The following MFSD6 variants were observed in gnomAD, a reference collection of about 807,000 sequenced individuals.
The protein encoded by MFSD6 is major facilitator superfamily domain containing 6, also known as major facilitator superfamily domain-containing protein 6.
MFSD6 carries 26 observed loss-of-function variants against 56.3 expected under a neutral mutation model. The observed-to-expected ratio is 0.46, with a 90% CI of 0.34 to 0.64. The LOEUF is 0.64. Ranked by LOEUF, MFSD6 falls within the 30% of genes least tolerant of loss-of-function variation. The pLI is 0.01. For synonymous variants in MFSD6, 331 were observed against 366.9 expected, an observed-to-expected ratio of 0.90 and a Z score of 1.12; for missense variants, 750 against 986.2, an observed-to-expected ratio of 0.76 and a Z score of 3.21.
intron 3 of MFSD6, among the ~76,000 whole-genome samples, chr2:190,466,494 CTCTTG>C (rs1687612148): frequency 6.6e-6 from 1 of 152,150 alleles, no homozygotes; most frequent in Admixed American, 6.5e-5. Flanking sequence ...AATGCGAATG[CTCTTG>C]TCTTTTGGAA....
Position 190,495,497 on chromosome 2 carries a change from T to C in MFSD6, c.1892-1942T>C, listed in dbSNP as rs1237804028. Among the ~76,000 whole-genome samples, 1 of 151,864 alleles carries C rather than the reference T, an allele frequency of 6.6e-6. No homozygotes were observed. The highest frequency in any genetic ancestry group is 6.6e-5 in the Admixed American group (1 of 15,240). ...TTCTTCACAGAACTAGAAAAAACAA[T>C]CCTAAATTTCATATGGAGCCAAAAA... On this transcript the variant is annotated intron_variant, in intron 6 of 7. Transcript: ENST00000392328. The surrounding 1 kb of genome is among the most constrained non-coding windows in gnomAD (Gnocchi z 4.7).
chr2:190,412,467 T>C lies in MFSD6; in HGVS notation c.-175-2825T>C, dbSNP rs1405906327. The stretch of plus-strand genomic sequence containing the variant: ...TTAAAGGCAGAAATCAAGTGCAAAG[T>C]CCTACCCTACTACAAGGCCAGTTTG... On this transcript the variant is annotated intron_variant, in intron 1 of 7. Coordinates refer to ENST00000392328, the MANE Select transcript of MFSD6 (RefSeq NM_017694.4). This position sits in a 1 kb window ranked among gnomAD's most constrained non-coding sequence, Gnocchi z 4.1. 1 of 985,288 alleles carries C rather than the reference T, an allele frequency of 1.0e-6. No individual in the cohort carries two copies. The highest frequency in any genetic ancestry group is 1.2e-6 in the Non-Finnish European group (1 of 829,924). The allele number at this position is 985,288 out of a possible 1,614,324, so 61.0% of individuals were successfully genotyped here.
intron 4 of MFSD6, among the ~76,000 whole-genome samples, chr2:190,475,462 T>C (rs1449849012): frequency 2.6e-5 from 4 of 152,158 alleles, no homozygotes; most frequent in Non-Finnish European, 5.9e-5. Context: ...CCATTCACAA[T>C]TGCTTCAAAG....
At position 190,433,647 on chromosome 2, in the gene MFSD6, C is replaced by G. The variant is rs1176315239; in HGVS notation, c.-53-2330C>G. ...TTAAATTTTTTTTAACCTAAAAAAC[C>G]GACATGAACATTTTCAAAGCTTACA... On this transcript the variant is annotated intron_variant, in intron 2 of 7. Coordinates refer to ENST00000392328, the MANE Select transcript of MFSD6 (RefSeq NM_017694.4). The surrounding 1 kb of genome is among the most constrained non-coding windows in gnomAD (Gnocchi z 4.5). Among the ~76,000 whole-genome samples, 1 of 151,822 alleles carries G rather than the reference C, an allele frequency of 6.6e-6. No individual in the cohort carries two copies. The highest frequency in any genetic ancestry group is 1.9e-4 in the East Asian group (1 of 5,184).
chr2:190,484,702 A>G (rs1688911128), intron 4 of MFSD6, among the ~76,000 whole-genome samples: 1 of 152,230 alleles, frequency 6.6e-6, no homozygotes, highest in African/African-American at 2.4e-5. Context: ...TTTTGTATAC[A>G]CAGATGATGT....
chr2:190,486,715 AG>A (rs1689030229), intron 4 of MFSD6, among the ~76,000 whole-genome samples: 1 of 152,224 alleles, frequency 6.6e-6, no homozygotes, highest in African/African-American at 2.4e-5. Flanking sequence ...AAATTTTAAA[AG>A]AATTTTGATC....
Position 190,485,743 on chromosome 2 carries a change from T to C in MFSD6, c.1631-2914T>C, listed in dbSNP as rs1423414694. 3.3e-5 allele frequency among the ~76,000 whole-genome samples: 5 copies of C among 152,120 alleles called. No homozygotes were observed. The highest frequency in any genetic ancestry group is 5.9e-5 in the Non-Finnish European group (4 of 68,004). ...TGCCAGATAAAGCAAACACGTTATT[T>C]GACTTCTTAGGAAATTAACTGTGTA... On this transcript the variant is annotated intron_variant, in intron 4 of 7. Transcript: ENST00000392328. This position sits in a 1 kb window ranked among gnomAD's most constrained non-coding sequence, Gnocchi z 5.1.
At chr2:190,442,558 A>T (rs1433095440) in intron 3 of MFSD6, 1 of 150,338 alleles carries the variant, frequency 6.7e-6, no homozygotes, top group African/African-American at 2.4e-5. Context: ...AAGAGACGGT[A>T]CAGGCCTGAA....
In MFSD6 at chr2:190,424,046, G is replaced by C. The variant is rs1212277041; in HGVS notation, c.-54+8633G>C. 2.6e-5 allele frequency among the ~76,000 whole-genome samples: 4 copies of C among 152,110 alleles called. No individual in the cohort carries two copies. The highest frequency in any genetic ancestry group is 5.9e-5 in the Non-Finnish European group (4 of 68,008). On this transcript the variant is annotated intron_variant, in intron 2 of 7. Coordinates refer to ENST00000392328, the MANE Select transcript of MFSD6 (RefSeq NM_017694.4). This position sits in a 1 kb window ranked among gnomAD's most constrained non-coding sequence, Gnocchi z 5.9. ...TATTCTAGAAACTAATCCTTCGCTG[G>C]ATTTGTGGTTTCCAAGTATTTTCTC...
In MFSD6 at chr2:190,497,408, A is replaced by C. The variant is rs752803559; in HGVS notation, c.1892-31A>C. 3 of 1,600,074 alleles carry C rather than the reference A, an allele frequency of 1.9e-6. No homozygotes were observed. The highest frequency in any genetic ancestry group is 2.6e-6 in the Non-Finnish European group (3 of 1,172,446). On this transcript the variant is annotated intron_variant, in intron 6 of 7. Coordinates refer to ENST00000392328, the MANE Select transcript of MFSD6 (RefSeq NM_017694.4). This position sits in a 1 kb window ranked among gnomAD's most constrained non-coding sequence, Gnocchi z 5.2. ...TGTTCAAATATGTAGAAAATGCTGA[A>C]AAAATAGTTTAAACATTCTTTTCTC...
At chr2:190,478,004 A>AT (rs1354629291) in intron 4 of MFSD6, among the ~76,000 whole-genome samples, 1 of 152,180 alleles carries the variant, frequency 6.6e-6, no homozygotes, top group African/African-American at 2.4e-5. Flanking sequence ...TTCAGGGAGC[A>AT]TAAGTGGTGT....
chr2:190,430,372 C>A (rs1685929885), intron 2 of MFSD6, among the ~76,000 whole-genome samples: 1 of 151,100 alleles, frequency 6.6e-6, no homozygotes, highest in South Asian at 2.1e-4. Flanking sequence ...GTGTTTGTGT[C>A]CCTGGGTACT....
Position 190,482,903 on chromosome 2 carries a change from T to TTTTTTTTTTTTTTTTTTTTTTTG in MFSD6, c.1631-5754_1631-5753insTTTTTTTTTTTTTTTTTTTTTTG, listed in dbSNP as rs544591315. ...TTTTTTTTTTTTTTTTTTTTTTTTT[T>TTTTTTTTTTTTTTTTTTTTTTTG]AGACGGAGTCTCACTCTGTCGCCCA... On this transcript the variant is annotated intron_variant, in intron 4 of 7. Coordinates refer to ENST00000392328, the MANE Select transcript of MFSD6 (RefSeq NM_017694.4). Among the ~76,000 whole-genome samples, 32 of 86,248 alleles carry TTTTTTTTTTTTTTTTTTTTTTTG rather than the reference T, an allele frequency of 3.7e-4. 12 individuals are homozygous for TTTTTTTTTTTTTTTTTTTTTTTG. Among genetic ancestry groups the TTTTTTTTTTTTTTTTTTTTTTTG allele is most frequent in the South Asian group, 1.3e-3 (3 of 2,252 alleles). The allele number at this position is 86,248 out of a possible 152,430, so 56.6% of individuals were successfully genotyped here. A position where few individuals can be genotyped will look rare whatever the true frequency, so the allele number is the denominator to read the frequency against.
At position 190,500,188 on chromosome 2, in the gene MFSD6, G is replaced by C; in HGVS notation, c.2346G>C (p.Gln782His). 6.2e-7 allele frequency: 1 copy of C among 1,614,228 alleles called. No individual in the cohort carries two copies. The highest frequency in any genetic ancestry group is 8.5e-7 in the Non-Finnish European group (1 of 1,180,046). The change falls in exon 8 of 8, where the codon CAG (glutamine) becomes CAC (histidine). Residue 782 changes from glutamine (Q) to histidine (H), a missense_variant. Coordinates refer to ENST00000392328, the MANE Select transcript of MFSD6 (RefSeq NM_017694.4). This position sits in a 1 kb window ranked among gnomAD's most constrained non-coding sequence, Gnocchi z 5.3. ...VDPCTEESEE[Q>H]QAQLAAGGH ...CGTGCACAGAGGAGAGTGAAGAGCA[G>C]CAGGCTCAGCTGGCCGCGGGAGGAC... is the stretch of plus-strand genomic sequence containing the variant.
At position 190,465,254 on chromosome 2, in the gene MFSD6, G is replaced by T. The variant is rs1258247603; in HGVS notation, c.1533-4504G>T. The stretch of plus-strand genomic sequence containing the variant: ...CTGCATCATTTGCTTCTTATCAATT[G>T]TGTTCCTCTTTATAGATAACTTCAG... On this transcript the variant is annotated intron_variant, in intron 3 of 7. Coordinates refer to ENST00000392328, the MANE Select transcript of MFSD6 (RefSeq NM_017694.4). This position sits in a 1 kb window ranked among gnomAD's most constrained non-coding sequence, Gnocchi z 4.6. Among the ~76,000 whole-genome samples, 4 of 152,114 alleles carry T rather than the reference G, an allele frequency of 2.6e-5. No homozygotes were observed. Among genetic ancestry groups the T allele is most frequent in the African/African-American group, 4.8e-5 (2 of 41,422 alleles).
intron 4 of MFSD6, among the ~76,000 whole-genome samples, chr2:190,477,768 A>G (rs1290473849): frequency 1.3e-5 from 2 of 152,226 alleles, no homozygotes; most frequent in African/African-American, 4.8e-5. Context: ...GAATCATAGA[A>G]AAATGTGCTA....
chr2:190,474,490 C>G (rs1418003426), intron 4 of MFSD6, among the ~76,000 whole-genome samples: 1 of 151,424 alleles, frequency 6.6e-6, no homozygotes, highest in Non-Finnish European at 1.5e-5. Context: ...TTCCTTGACA[C>G]AAACAACCTC....
chr2:190,497,897 G>T lies in MFSD6; in HGVS notation c.2172+178G>T. On this transcript the variant is annotated intron_variant, in intron 7 of 7. Coordinates refer to ENST00000392328, the MANE Select transcript of MFSD6 (RefSeq NM_017694.4). This position sits in a 1 kb window ranked among gnomAD's most constrained non-coding sequence, Gnocchi z 5.2. ...CTGAGTTAAAGAGGGTGTATACAAG[G>T]TCCCATAGAGAGAATATTCTGCCTT... 4.5e-6 allele frequency: 3 copies of T among 659,888 alleles called. No individual in the cohort carries two copies. Among genetic ancestry groups the T allele is most frequent in the East Asian group, 2.8e-5 (1 of 35,262 alleles). 40.9% of individuals were successfully genotyped at this position (659,888 alleles called of 1,614,324 possible). A position where few individuals can be genotyped will look rare whatever the true frequency, so the allele number is the denominator to read the frequency against.
At chr2:190,476,996 T>C (rs892722835) in intron 4 of MFSD6, among the ~76,000 whole-genome samples, 22 of 137,254 alleles carry the variant, frequency 1.6e-4, no homozygotes, top group African/African-American at 6.1e-4. Flanking sequence ...TAGGTGGGAA[T>C]TGAACAATGT....
Sources: gnomAD v4.1 joint callset for allele counts (sites outside exome capture counted in the v4.1 genomes callset) on GRCh38, gnomAD v4.1.1 for gene constraint, Gnocchi (gnomAD v3.1) non-coding constraint, MANE v1.5 for transcripts, NCBI Gene and HGNC (gene_info 2026-07-23, HGNC 2026-07-21) for gene names.